Variants in DLG2 observed in about 807,000 individuals in gnomAD.
The protein encoded by DLG2 is discs large MAGUK scaffold protein 2, also known as disks large homolog 2.
Under a neutral mutation model 132.5 loss-of-function variants are expected in DLG2, and 45 were observed. The observed-to-expected ratio is 0.34, with a 90% CI of 0.27 to 0.44. The LOEUF is 0.44. Among genes scored for constraint, DLG2 ranks in the 20% least tolerant of loss-of-function variants. DLG2 has a pLI of 1.00. For synonymous variants in DLG2, 424 were observed against 419.6 expected (o/e 1.01, Z -0.13); for missense variants, 1,045 against 1,196.9 (o/e 0.87, Z 1.87).
rs761737091 is a variant in DLG2 at position 83,508,245 on chromosome 11, CT to C, written c.2194-24018del. Among the ~76,000 whole-genome samples, 1,024 of 140,268 alleles carry C rather than the reference CT, an allele frequency of 7.3e-3. 1 individual carries two copies. The highest frequency in any genetic ancestry group is 0.011 in the African/African-American group (426 of 38,092). The allele number at this position is 140,268 out of a possible 152,430, so 92.0% of individuals were successfully genotyped here. A position where few individuals can be genotyped will look rare whatever the true frequency, so the allele number is the denominator to read the frequency against. Reference sequence around the variant, plus strand: ...TCTTTTTCCCATTTAGAATATACATCTTTTTTTTTTTTTTTGAGACAGTGTG... The same window carrying C: ...TCTTTTTCCCATTTAGAATATACATCTTTTTTTTTTTTTTGAGACAGTGTG... On this transcript the variant is annotated intron_variant, in intron 21 of 27. Transcript: ENST00000376104.
chr11:85,143,024 G>A (rs1331949827), intron 5 of DLG2, among the ~76,000 whole-genome samples: 2 of 151,512 alleles, frequency 1.3e-5, no homozygotes, highest in African/African-American at 2.4e-5. Flanking sequence ...CTTTTTTGAT[G>A]TGTCTTTCTC....
chr11:85,053,395 C>G (rs2063099247), intron 6 of DLG2, among the ~76,000 whole-genome samples: 1 of 152,060 alleles, frequency 6.6e-6, no homozygotes, highest in Non-Finnish European at 1.5e-5. Context: ...CCCTGTCTAC[C>G]ACATAAGATG....
intron 4 of DLG2, among the ~76,000 whole-genome samples, chr11:85,154,855 C>T (rs1390376206): frequency 6.6e-6 from 1 of 152,114 alleles, no homozygotes; most frequent in African/African-American, 2.4e-5. Context: ...GACAGTTATT[C>T]AAAGGCCAAT....
At chr11:84,109,830 G>A (rs1397941421) in intron 9 of DLG2, among the ~76,000 whole-genome samples, 1 of 152,132 alleles carries the variant, frequency 6.6e-6, no homozygotes, top group Non-Finnish European at 1.5e-5. Context: ...AAATAAGGAA[G>A]AAACAAGAAT....
At chr11:85,598,367 G>T (rs1449162454) in intron 3 of DLG2, among the ~76,000 whole-genome samples, 2 of 151,904 alleles carry the variant, frequency 1.3e-5, no homozygotes, top group Non-Finnish European at 2.9e-5. Context: ...ACTACTCAGG[G>T]TTTTCTTCTG....
At chr11:85,582,691 A>AAAAAC (rs1165721304) in intron 3 of DLG2, among the ~76,000 whole-genome samples, 1 of 137,548 alleles carries the variant, frequency 7.3e-6, no homozygotes, top group Non-Finnish European at 1.6e-5. Flanking sequence ...AAAAAAAAAA[A>AAAAAC]AAAAAAAAAA....
intron 6 of DLG2, chr11:84,545,273 CA>C: frequency 2.0e-6 from 1 of 497,852 alleles, no homozygotes; most frequent in Non-Finnish European, 4.0e-6. Flanking sequence ...CTCATGGGTC[CA>C]AAATTTGAAG....
chr11:85,477,619 G>A (rs1013504287), intron 3 of DLG2, among the ~76,000 whole-genome samples: 1 of 151,882 alleles, frequency 6.6e-6, no homozygotes, highest in Non-Finnish European at 1.5e-5. Flanking sequence ...TTTAGGTAGG[G>A]GTATGTATAA....
intron 18 of DLG2, among the ~76,000 whole-genome samples, chr11:83,726,589 TC>T (rs1376141504): frequency 1.3e-5 from 2 of 151,818 alleles, no homozygotes; most frequent in Non-Finnish European, 2.9e-5. Flanking sequence ...TTCAATCAAA[TC>T]CCCCCAAAAG....
Position 84,854,817 on chromosome 11 carries a change from G to C in DLG2, c.357+256844C>G, listed in dbSNP as rs1184607468. 2.6e-5 allele frequency among the ~76,000 whole-genome samples: 4 copies of C among 151,986 alleles called. 1 individual carries two copies. Among genetic ancestry groups the C allele is most frequent in the Admixed American group, 2.6e-4 (4 of 15,210 alleles). On this transcript the variant is annotated intron_variant, in intron 6 of 27. Transcript: ENST00000376104. ...TGTGGACTGCTCTCTGTACCCCATA[G>C]TGATTCTTTTATTGTGAAATGCCAC...
intron 15 of DLG2, among the ~76,000 whole-genome samples, chr11:83,918,724 C>A (rs1328375615): frequency 6.6e-6 from 1 of 151,704 alleles, no homozygotes; most frequent in Non-Finnish European, 1.5e-5. Flanking sequence ...AGGAAAGAGG[C>A]CTCAGCTGAC....
intron 3 of DLG2, among the ~76,000 whole-genome samples, chr11:85,303,332 T>G (rs75107388): frequency 0.035 from 5,348 of 152,282 alleles, 144 homozygotes; most frequent in Admixed American, 0.049. Flanking sequence ...CTCTGGCATC[T>G]TACTGTACAT....
intron 7 of DLG2, among the ~76,000 whole-genome samples, chr11:84,394,773 C>A (rs139144546): frequency 6.6e-6 from 1 of 152,062 alleles, no homozygotes; most frequent in Non-Finnish European, 1.5e-5. Context: ...AGGTGTGCAC[C>A]AGCACGCCCA....
intron 3 of DLG2, among the ~76,000 whole-genome samples, chr11:85,399,356 C>T (rs1345692975): frequency 6.6e-6 from 1 of 152,098 alleles, no homozygotes; most frequent in Non-Finnish European, 1.5e-5. Context: ...CCATACTGCC[C>T]AAGGTAATTT....
intron 4 of DLG2, among the ~76,000 whole-genome samples, chr11:85,255,350 A>G (rs925092321): frequency 6.6e-6 from 1 of 152,226 alleles, no homozygotes; most frequent in African/African-American, 2.4e-5. Flanking sequence ...TACATACACA[A>G]ACATACGCAT....
chr11:85,033,915 ACTTT>A (rs760388603), intron 6 of DLG2, among the ~76,000 whole-genome samples: 1 of 152,066 alleles, frequency 6.6e-6, no homozygotes, highest in Non-Finnish European at 1.5e-5. Flanking sequence ...AAAAAATAAA[ACTTT>A]TTGCAGTGGC....
chr11:85,404,878 G>T (rs2088567123), intron 3 of DLG2, among the ~76,000 whole-genome samples: 1 of 151,902 alleles, frequency 6.6e-6, no homozygotes, highest in Non-Finnish European at 1.5e-5. Flanking sequence ...GCTGTGAAAA[G>T]GAAAGTAATC....
intron 6 of DLG2, among the ~76,000 whole-genome samples, chr11:84,536,574 G>A (rs764178047): frequency 1.3e-5 from 2 of 152,076 alleles, no homozygotes; most frequent in African/African-American, 2.4e-5. Flanking sequence ...GATCAGTTAC[G>A]CCCATTATGA....
At chr11:85,598,197 A>G (rs1187003848) in intron 3 of DLG2, among the ~76,000 whole-genome samples, 1 of 152,064 alleles carries the variant, frequency 6.6e-6, no homozygotes, top group East Asian at 1.9e-4. Flanking sequence ...ACAAGCAAGA[A>G]AGATGAAAAG....
Sources: allele counts gnomAD v4.1 joint callset (sites outside exome capture counted in the v4.1 genomes callset), GRCh38; gene constraint gnomAD v4.1.1; transcripts MANE v1.5; gene names NCBI Gene and HGNC (gene_info 2026-07-23, HGNC 2026-07-21).